PLXNB3: variants seen among roughly 807,000 people sequenced by gnomAD.
The protein encoded by PLXNB3 is plexin B3.
A neutral mutation model predicts 125.7 loss-of-function variants in PLXNB3; 80 were observed. That is an observed-to-expected ratio of 0.64 (90% confidence interval 0.53 to 0.77). The LOEUF (loss-of-function observed/expected upper bound fraction) is 0.77, where lower values mean the gene tolerates loss of function less well. PLXNB3 is among the 30% of genes least tolerant of loss of function. The pLI is 0.00. For synonymous variants in PLXNB3, 954 were observed against 783.3 expected (o/e 1.22, Z -3.64); for missense variants, 1,836 against 1,729.3 (o/e 1.06, Z -1.09).
chrX:153,778,225 A>AG, intron 32 of PLXNB3, 36 bp from the exon 33 acceptor site: 2 of 1,200,899 alleles, frequency 1.7e-6, no homozygotes, highest in Non-Finnish European at 2.3e-6. Context: ...TTCACCTCCG[A>AG]GCTCATGCCT....
Position 153,774,920 on chromosome X carries a change from G to A in PLXNB3, c.3972G>A (p.Glu1324=), listed in dbSNP as rs782588617. Reference sequence around the variant, plus strand: ...TGACCGACCTCAGCAGCGACCTGGAGGGCAGCGGGATCCCCTTCCTGGACT... The same window carrying A: ...TGACCGACCTCAGCAGCGACCTGGAAGGCAGCGGGATCCCCTTCCTGGACT... The part of the protein sequence containing the change: ...TEMTDLSSDL[E]GSGIPFLDYR... The change falls in exon 24 of 36, where the codon GAG becomes GAA. Residue 1324 remains glutamate (E), a synonymous_variant. Transcript: ENST00000361971. 6.7e-6 allele frequency: 8 copies of A among 1,190,585 alleles called. No homozygotes were observed. The highest frequency in any genetic ancestry group is 1.7e-5 in the African/African-American group (1 of 57,692).
At position 153,778,426 on chromosome X, in the gene PLXNB3, G is replaced by A. The variant is rs782124042; in HGVS notation, c.5505G>A (p.Pro1835=). The A allele has an allele frequency of 1.1e-5, 13 of 1,209,785 alleles. No individual in the cohort carries two copies. Among genetic ancestry groups the A allele is most frequent in the Admixed American group, 2.2e-5 (1 of 45,853 alleles). ...RYYADIRQSS[P]ASYQEMNSAL... is the part of the protein sequence containing the mutation. ...ATGCGGACATTCGCCAGAGCTCTCC[G>A]GCGAGCTACCAGGAGATGAACTCTG... Residue 1835 remains proline, a synonymous_variant, in exon 34 of 36, where the codon CCG becomes CCA. Transcript: ENST00000361971.
rs369077780 is a variant in PLXNB3, at chrX:153,767,405, C to T, written c.578C>T (p.Ala193Val). 3.1e-5 allele frequency: 37 copies of T among 1,182,380 alleles called. No individual in the cohort carries two copies. Among genetic ancestry groups the T allele is most frequent in the Non-Finnish European group, 4.0e-5 (35 of 880,391 alleles). ...CTCCTGCTTGTGGCCAGAGGCCTGG[C>T]GGGCAAGCTGTCGGCAGGGGTGCCA... ...RDLLLVARGLAGKLSAGVPPL... is the reference protein window; with the variant it reads ...RDLLLVARGLVGKLSAGVPPL... The change falls in exon 3 of 36, where the codon GCG (alanine) becomes GTG (valine). Residue 193 changes from alanine (A) to valine (V), a missense_variant. Physicochemically the swap from Ala to Val is moderately conservative, Grantham distance 64. Coordinates refer to ENST00000361971, the MANE Select transcript of PLXNB3 (RefSeq NM_005393.3).
chrX:153,768,756 G>A (rs782814781), intron 4 of PLXNB3, among the ~76,000 whole-genome samples, 192 bp from the exon 5 acceptor site: 2 of 112,315 alleles, frequency 1.8e-5, no homozygotes, highest in South Asian at 3.7e-4. Context: ...CTGCTGCCCC[G>A]GTGTCATGGT....
Position 153,779,177 on chromosome X carries a change from G to T in PLXNB3, c.*138G>T. ...AAGCCAGGCACTGTGCCCAGCAGTG[G>T]GCTCCCTGCCTGCCACCTCCCCTGC... On this transcript the variant is annotated 3_prime_UTR_variant, in exon 36 of 36. Coordinates refer to ENST00000361971, the MANE Select transcript of PLXNB3 (RefSeq NM_005393.3). The T allele has an allele frequency of 2.7e-6, 1 of 366,972 alleles. No individual in the cohort carries two copies. Among genetic ancestry groups the T allele is most frequent in the Non-Finnish European group, 4.6e-6 (1 of 218,566 alleles). 30.2% of individuals were successfully genotyped at this position (366,972 alleles called of 1,213,427 possible).
chrX:153,767,738 C>G lies in PLXNB3; in HGVS notation c.911C>G (p.Ala304Gly). 4.3e-6 allele frequency: 5 copies of G among 1,172,668 alleles called. No individual in the cohort carries two copies. Among genetic ancestry groups the G allele is most frequent in the Non-Finnish European group, 5.7e-6 (5 of 876,057 alleles). The change falls in exon 3 of 36, where the codon GCC becomes GGC. Residue 304 changes from alanine (A) to glycine (G), a missense_variant. Ala to Gly is a moderately conservative substitution (Grantham distance 60). Coordinates refer to ENST00000361971, the MANE Select transcript of PLXNB3 (RefSeq NM_005393.3). ...CCGGGCACCTTGCTAGGGGTGTTTG[C>G]CGCGGGCCCAAGGGGCACCCAGGCG... Reference protein sequence around the residue: ...LAPGTLLGVFAAGPRGTQAAL... With the variant: ...LAPGTLLGVFGAGPRGTQAAL...
intron 33 of PLXNB3, 29 bp downstream of exon 33, chrX:153,778,354 G>A (rs1319206520): frequency 2.9e-5 from 35 of 1,206,303 alleles, no homozygotes; most frequent in Non-Finnish European, 3.8e-5. Flanking sequence ...GGGGCTGCGG[G>A]GAAGGGGGCT....
At chrX:153,769,681 C>T (rs2091902421) in intron 6 of PLXNB3, 126 bp from the exon 7 acceptor site, 1 of 710,540 alleles carries the variant, frequency 1.4e-6, no homozygotes, top group Non-Finnish European at 2.1e-6. Flanking sequence ...GACACAGTCC[C>T]CTTCACGCCT....
intron 12 of PLXNB3, 101 bp from the exon 13 acceptor site, chrX:153,771,209 G>C: frequency 6.5e-6 from 6 of 928,876 alleles, no homozygotes; most frequent in Non-Finnish European, 9.3e-6. Context: ...TGGGGGAGAG[G>C]CAGGGAACAA....
chrX:153,765,046 C>T (rs1264888152), intron 1 of PLXNB3, among the ~76,000 whole-genome samples: 8 of 113,213 alleles, frequency 7.1e-5, no homozygotes, highest in Non-Finnish European at 1.3e-4. Flanking sequence ...TACCAGCCGG[C>T]ATTTGCAGGG....
rs111939252 is a variant in PLXNB3 at position 153,770,402 on chromosome X, C to T, written c.1851C>T (p.Ser617=). 4.2e-5 allele frequency: 51 copies of T among 1,209,882 alleles called. No individual in the cohort carries two copies. The African/African-American group carries it at 6.6e-4, about 16-fold the overall frequency. ...EDVTVAATNF[S]FYDCSAVQAL... is the part of the protein sequence containing the mutation. ...TGACTGTGGCTGCCACCAACTTCTC[C>T]TTTTATGACTGCAGTGCCGTCCAGG... Residue 617 remains serine, a synonymous_variant, in exon 9 of 36, where the codon TCC becomes TCT. Coordinates refer to ENST00000361971, the MANE Select transcript of PLXNB3 (RefSeq NM_005393.3).
Position 153,770,781 on chromosome X carries a change from A to G in PLXNB3, c.2034A>G (p.Pro678=). Residue 678 remains proline, a synonymous_variant, in exon 11 of 36, where the codon CCA becomes CCG. Coordinates refer to ENST00000361971, the MANE Select transcript of PLXNB3 (RefSeq NM_005393.3). ...AQEVDIQVRG[P]GACPQVEGLA... is the part of the protein sequence containing the mutation. Reference sequence around the variant, plus strand: ...AGGTGGACATCCAGGTGCGTGGCCCAGGGGCTTGCCCACAGGTCGAAGGCC... The same window carrying G: ...AGGTGGACATCCAGGTGCGTGGCCCGGGGGCTTGCCCACAGGTCGAAGGCC... 1 of 1,207,305 alleles carries G rather than the reference A, an allele frequency of 8.3e-7. No individual in the cohort carries two copies. Among genetic ancestry groups the G allele is most frequent in the African/African-American group, 1.7e-5 (1 of 57,965 alleles).
rs782311851 is a variant in PLXNB3 at position 153,777,230 on chromosome X, C to T, written c.4950C>T (p.Gly1650=). The T allele has an allele frequency of 1.5e-5, 18 of 1,162,313 alleles. No individual in the cohort carries two copies. Among genetic ancestry groups the T allele is most frequent in the Non-Finnish European group, 1.8e-5 (16 of 868,631 alleles). ...LGENIPTLED[G]EEGGVCLWHL... ...CAGACATACCCACGCTGGAGGATGG[C>T]GAGGAGGGGGGGGTGTGCCTCTGGC... The change falls in exon 30 of 36, where the codon GGC becomes GGT. Residue 1650 remains glycine (G), a synonymous_variant. Transcript: ENST00000361971.
chrX:153,777,080 A>T (rs1213353395), intron 29 of PLXNB3, 100 bp downstream of exon 29: 7 of 993,239 alleles, frequency 7.0e-6, no homozygotes, highest in African/African-American at 1.9e-5. Flanking sequence ...CACCCCACCG[A>T]GATCTTCTGC....
intron 3 of PLXNB3, 117 bp downstream of exon 3, chrX:153,768,030 A>G: frequency 6.0e-6 from 5 of 833,379 alleles, no homozygotes; most frequent in South Asian, 5.7e-5. Flanking sequence ...GGGTCAGCTG[A>G]GTCTCCAGGT....
intron 21 of PLXNB3, 35 bp downstream of exon 21, chrX:153,774,379 G>T: frequency 8.6e-7 from 1 of 1,157,265 alleles, no homozygotes. Flanking sequence ...GGTGGACCGG[G>T]TGCCGCCAGC....
rs149889207 is a variant in PLXNB3 at position 153,778,429 on chromosome X, G to A, written c.5508G>A (p.Ala1836=). The A allele has an allele frequency of 8.4e-5, 102 of 1,209,763 alleles. No individual in the cohort carries two copies. The highest frequency in any genetic ancestry group is 2.3e-4 in the Middle Eastern group (1 of 4,354). ...YYADIRQSSP[A]SYQEMNSALA... ...CGGACATTCGCCAGAGCTCTCCGGC[G>A]AGCTACCAGGAGATGAACTCTGCTT... Residue 1836 remains alanine, a synonymous_variant, in exon 34 of 36, where the codon GCG becomes GCA. Coordinates refer to ENST00000361971, the MANE Select transcript of PLXNB3 (RefSeq NM_005393.3).
At chrX:153,768,219 G>A (rs2091881816) in intron 3 of PLXNB3, 30 bp from the exon 4 acceptor site, 2 of 1,163,672 alleles carry the variant, frequency 1.7e-6, no homozygotes, top group Non-Finnish European at 2.3e-6. Context: ...CTCTCTTCCG[G>A]GGGCTGATTC....
chrX:153,766,093 G>A, intron 2 of PLXNB3: 2 of 1,070,040 alleles, frequency 1.9e-6, no homozygotes, highest in Non-Finnish European at 2.4e-6. Context: ...GGCCCATGGG[G>A]CAGGAGCAGG....
Sources: allele counts gnomAD v4.1 joint callset (sites outside exome capture counted in the v4.1 genomes callset), GRCh38; gene constraint gnomAD v4.1.1; transcripts MANE v1.5; gene names NCBI Gene and HGNC (gene_info 2026-07-23, HGNC 2026-07-21).